ATP13A4: variants seen among roughly 807,000 people sequenced by gnomAD.
ATP13A4 encodes ATPase 13A4.
A neutral mutation model predicts 142.5 loss-of-function variants in ATP13A4; 114 were observed. That is an observed-to-expected ratio of 0.80 (90% CI 0.69 to 0.93). The LOEUF (loss-of-function observed/expected upper bound fraction) is 0.93, where lower values mean the gene tolerates loss of function less well. ATP13A4 is among the 40% of genes least tolerant of loss of function. ATP13A4 has a pLI of 0.00. For missense variants in ATP13A4, 1,392 were observed against 1,454.0 expected (o/e 0.96, Z 0.69); for synonymous variants, 488 against 514.8 (o/e 0.95, Z 0.70).
At chr3:193,577,441 T>C (rs780268753) in intron 2 of ATP13A4, among the ~76,000 whole-genome samples, 3 of 152,202 alleles carry the variant, frequency 2.0e-5, no homozygotes, top group Non-Finnish European at 2.9e-5. Context: ...ATTCATCCTT[T>C]AAAATCCAGC....
chr3:193,561,522 CA>C lies in ATP13A4; in HGVS notation n.291+20184del, dbSNP rs1429489708. The stretch of plus-strand genomic sequence containing the variant: ...AGAGGGGTGAAACTGAAATTAATGA[CA>C]AAAGAAATTCAGAGCTCTTATTTGT... On this transcript the variant is annotated intron_variant and non_coding_transcript_variant, in intron 2 of 3. Coordinates refer to the ATP13A4 transcript ENST00000489140. Among the ~76,000 whole-genome samples, 5 of 152,292 alleles carry C rather than the reference CA, an allele frequency of 3.3e-5. No individual in the cohort carries two copies. The East Asian group carries it at 9.7e-4, about 29-fold the overall frequency.
Position 193,454,176 on chromosome 3 carries a change from G to C in ATP13A4, c.1952C>G (p.Thr651Arg). The change falls in exon 17 of 30, where the codon ACG (threonine) becomes AGG (arginine). Residue 651 changes from threonine to arginine, a missense_variant. Physicochemically the swap from Thr to Arg is moderately conservative, Grantham distance 71. Transcript: ENST00000342695. ...TSFVSELQIY[T>R]TQGFRVIALA... is the part of the protein sequence containing the mutation. ...TGCTATGACTCGGAAGCCCTGTGTC[G>C]TGTAAATCTGAAGTTCGCTAACAAA... 1 of 1,613,998 alleles carries C rather than the reference G, an allele frequency of 6.2e-7. No homozygotes were observed. The highest frequency in any genetic ancestry group is 8.5e-7 in the Non-Finnish European group (1 of 1,179,862).
chr3:193,405,470 G>T (rs1234203206), intron 29 of ATP13A4, among the ~76,000 whole-genome samples: 1 of 152,196 alleles, frequency 6.6e-6, no homozygotes, highest in African/African-American at 2.4e-5. Context: ...AAAAGGTTCA[G>T]ACTTGCTGGA....
intron 1 of ATP13A4, among the ~76,000 whole-genome samples, chr3:193,584,538 C>T (rs901603859): frequency 6.6e-6 from 1 of 152,106 alleles, no homozygotes; most frequent in Non-Finnish European, 1.5e-5. Flanking sequence ...GGCTCTTTGC[C>T]TGTTATGCTC....
Position 193,411,070 on chromosome 3 carries a change from T to C in ATP13A4, c.3209A>G (p.Tyr1070Cys). The change falls in exon 28 of 30, where the codon TAT (tyrosine) becomes TGT (cysteine). Residue 1070 changes from tyrosine (Y) to cysteine (C), a missense_variant and splice_region_variant. Transcript: ENST00000342695. ...TATTATCAGCACAAGGACAAATATA[T>C]CTGAGGAAATAAGAACACAAGGTAT... ...KPFRQPTYTN[Y>C]IFVLVLIIQL... 2 of 1,597,496 alleles carry C rather than the reference T, an allele frequency of 1.3e-6. No individual in the cohort carries two copies. The highest frequency in any genetic ancestry group is 8.6e-7 in the Non-Finnish European group (1 of 1,165,180).
At chr3:193,442,319 A>G in intron 19 of ATP13A4, 74 bp downstream of exon 19, 1 of 1,462,546 alleles carries the variant, frequency 6.8e-7, no homozygotes, top group Non-Finnish European at 9.5e-7. Flanking sequence ...TGTTGACTCT[A>G]GGTCAAAGCT....
chr3:193,411,146 C>A lies in ATP13A4; in HGVS notation c.3209-76G>T. On this transcript the variant is annotated intron_variant, in intron 27 of 29. Coordinates refer to ENST00000342695, the MANE Select transcript of ATP13A4 (RefSeq NM_032279.4). The stretch of plus-strand genomic sequence containing the variant: ...TGTCACATATATTGACGGATGTATT[C>A]TAGATTAACACTGATTTAATTTACT... The A allele has an allele frequency of 3.1e-6, 3 of 957,594 alleles. No homozygotes were observed. In the South Asian group the frequency reaches 3.9e-5, roughly 12 times the overall value. The allele number at this position is 957,594 out of a possible 1,614,324, so 59.3% of individuals were successfully genotyped here. A position where few individuals can be genotyped will look rare whatever the true frequency, so the allele number is the denominator to read the frequency against.
intron 25 of ATP13A4, among the ~76,000 whole-genome samples, chr3:193,424,086 C>A (rs13059724): frequency 0.14 from 20,519 of 148,468 alleles, 2,340 homozygotes; most frequent in South Asian, 0.22. Flanking sequence ...AACAGCTACA[C>A]CACAAAAAAT....
intron 1 of ATP13A4, among the ~76,000 whole-genome samples, chr3:193,537,480 A>G (rs2108710332): frequency 6.6e-6 from 1 of 152,310 alleles, no homozygotes; most frequent in Non-Finnish European, 1.5e-5. Flanking sequence ...TTAAGAAAAA[A>G]TGTTGGAGAA....
intron 29 of ATP13A4, among the ~76,000 whole-genome samples, chr3:193,407,066 A>T (rs1161439179): frequency 6.6e-6 from 1 of 152,186 alleles, no homozygotes; most frequent in Non-Finnish European, 1.5e-5. Context: ...TGGAAATTGT[A>T]GAAATGAACA....
At chr3:193,474,107 C>T (rs1718775012) in intron 8 of ATP13A4, among the ~76,000 whole-genome samples, 1 of 151,898 alleles carries the variant, frequency 6.6e-6, no homozygotes, top group South Asian at 2.1e-4. Flanking sequence ...ATCATGAGGT[C>T]TGGAGTTTGA....
In ATP13A4 at chr3:193,569,045, T is replaced by C. The variant is rs1401661056; in HGVS notation, n.291+12662A>G. On this transcript the variant is annotated intron_variant and non_coding_transcript_variant, in intron 2 of 3. Transcript: ENST00000489140. ...AGTGATTTCCTTCTAAAGAGTATAG[T>C]ATAGAAAAGAAGGAAAAGAGAAGCT... 3.3e-5 allele frequency among the ~76,000 whole-genome samples: 5 copies of C among 152,156 alleles called. No homozygotes were observed. In the South Asian group the frequency reaches 8.3e-4, roughly 25 times the overall value.
At chr3:193,440,391 T>C (rs1716558307) in intron 21 of ATP13A4, 167 bp downstream of exon 21, 22 of 1,280,446 alleles carry the variant, frequency 1.7e-5, no homozygotes, top group Non-Finnish European at 2.3e-5. Flanking sequence ...AATGGTGAGA[T>C]CCCTTGGTAC....
intron 1 of ATP13A4, among the ~76,000 whole-genome samples, chr3:193,544,469 T>A (rs1460333561): frequency 6.6e-6 from 1 of 152,010 alleles, no homozygotes; most frequent in Non-Finnish European, 1.5e-5. Context: ...TCTGGACAAG[T>A]GCAACAGATA....
chr3:193,547,187 A>C (rs1331548844), intron 1 of ATP13A4, among the ~76,000 whole-genome samples: 1 of 152,242 alleles, frequency 6.6e-6, no homozygotes. Context: ...CCTGTCTGAC[A>C]AGACTATATA....
At chr3:193,435,600 T>C in intron 24 of ATP13A4, 48 bp downstream of exon 24, 4 of 1,437,194 alleles carry the variant, frequency 2.8e-6, no homozygotes, top group Non-Finnish European at 3.9e-6. Flanking sequence ...AGTGCACCGC[T>C]ACTTGTTTTA....
rs1294232812 is a variant in ATP13A4, at chr3:193,399,620, G to A, written c.*3032C>T. 1.3e-5 allele frequency among the ~76,000 whole-genome samples: 2 copies of A among 152,002 alleles called. No individual in the cohort carries two copies. The highest frequency in any genetic ancestry group is 2.1e-4 in the South Asian group (1 of 4,818). ...TCCCGGCACTTTGGGAGGCCGAGGC[G>A]GGCGGATCACGAGGTCAGGAGATTG... is the stretch of plus-strand genomic sequence containing the variant. On this transcript the variant is annotated 3_prime_UTR_variant, in exon 30 of 30. Coordinates refer to ENST00000342695, the MANE Select transcript of ATP13A4 (RefSeq NM_032279.4).
At chr3:193,537,572 TA>T (rs1722653299) in intron 1 of ATP13A4, among the ~76,000 whole-genome samples, 1 of 152,116 alleles carries the variant, frequency 6.6e-6, no homozygotes, top group Non-Finnish European at 1.5e-5. Context: ...GTGTTATCCA[TA>T]AAAGGAAAAA....
At chr3:193,590,832 G>A (rs932984028) in intron 1 of ATP13A4, among the ~76,000 whole-genome samples, 1 of 152,178 alleles carries the variant, frequency 6.6e-6, no homozygotes, top group Non-Finnish European at 1.5e-5. Context: ...AGAAGCACAA[G>A]CTTCATGATA....
Sources: gnomAD v4.1 joint callset for allele counts (sites outside exome capture counted in the v4.1 genomes callset) on GRCh38, gnomAD v4.1.1 for gene constraint, MANE v1.5 for transcripts, NCBI Gene and HGNC (gene_info 2026-07-23, HGNC 2026-07-21) for gene names.